The following PLCL1 variants were observed in gnomAD, a reference collection of about 807,000 sequenced individuals.
PLCL1 encodes inactive phospholipase C-like protein 1.
PLCL1 carries 41 observed loss-of-function variants against 84.4 expected under a neutral mutation model. The ratio of observed to expected loss-of-function variants is 0.49; its 90% CI spans 0.38 to 0.63. PLCL1 has a LOEUF of 0.63. Ranked by LOEUF, PLCL1 falls within the 30% of genes least tolerant of loss-of-function variation. The probability of loss-of-function intolerance (pLI) is 0.00; values close to 1 mark genes in which losing one functional copy is unlikely to be tolerated. For synonymous variants in PLCL1, 490 were observed against 488.3 expected (o/e 1.00, Z -0.05); for missense variants, 1,206 against 1,367.8 (o/e 0.88, Z 1.87).
chr2:197,841,026 CT>C (rs1337859774), intron 1 of PLCL1, among the ~76,000 whole-genome samples: 1 of 152,086 alleles, frequency 6.6e-6, no homozygotes, highest in African/African-American at 2.4e-5. Flanking sequence ...ATAAACTTTA[CT>C]TTTTAGAGAA....
intron 5 of PLCL1, among the ~76,000 whole-genome samples, chr2:198,139,848 A>G (rs531974013): frequency 2.0e-5 from 3 of 152,172 alleles, no homozygotes; most frequent in Admixed American, 6.5e-5. Flanking sequence ...CAGGGAAGAG[A>G]TGGGTGTATC....
At chr2:198,107,735 T>A (rs1574317588) in intron 5 of PLCL1, among the ~76,000 whole-genome samples, 1 of 152,064 alleles carries the variant, frequency 6.6e-6, no homozygotes, top group East Asian at 1.9e-4. Context: ...ATTGAGCAAA[T>A]GCTGTTCAAA....
intron 5 of PLCL1, among the ~76,000 whole-genome samples, chr2:198,114,855 A>T (rs929366611): frequency 2.0e-5 from 3 of 151,738 alleles, no homozygotes; most frequent in African/African-American, 7.3e-5. Context: ...ACACACATAT[A>T]TGGTATGCAC....
intron 1 of PLCL1, among the ~76,000 whole-genome samples, chr2:197,905,312 G>A (rs1688357318): frequency 6.6e-6 from 1 of 152,082 alleles, no homozygotes; most frequent in Non-Finnish European, 1.5e-5. Context: ...TGTTCTCATT[G>A]TTCAACTCAC....
intron 1 of PLCL1, among the ~76,000 whole-genome samples, chr2:197,981,987 T>C (rs1261087628): frequency 1.3e-5 from 2 of 152,036 alleles, no homozygotes; most frequent in African/African-American, 4.8e-5. Flanking sequence ...TTATTTTAAG[T>C]TAGAAAACTG....
At chr2:197,869,141 C>G (rs1476953902) in intron 1 of PLCL1, among the ~76,000 whole-genome samples, 1 of 152,070 alleles carries the variant, frequency 6.6e-6, no homozygotes, top group Non-Finnish European at 1.5e-5. Flanking sequence ...TAGAGAACAA[C>G]TTAGGCTCTG....
intron 1 of PLCL1, among the ~76,000 whole-genome samples, chr2:197,908,532 G>C (rs963715860): frequency 9.2e-5 from 14 of 152,156 alleles, no homozygotes; most frequent in Non-Finnish European, 1.9e-4. Context: ...AGCCTCAGAA[G>C]AAATTTACTC....
At chr2:197,931,130 CA>C (rs572900463) in intron 1 of PLCL1, among the ~76,000 whole-genome samples, 96 of 152,114 alleles carry the variant, frequency 6.3e-4, no homozygotes, top group African/African-American at 2.3e-3. Flanking sequence ...AAATAAGAGC[CA>C]CCTTGATTGG....
At chr2:198,106,270 A>G (rs1693471831) in intron 5 of PLCL1, among the ~76,000 whole-genome samples, 1 of 151,908 alleles carries the variant, frequency 6.6e-6, no homozygotes, top group Non-Finnish European at 1.5e-5. Flanking sequence ...TGTTTATGTG[A>G]AAGTGTTAGG....
chr2:197,932,731 A>T (rs1688965745), intron 1 of PLCL1, among the ~76,000 whole-genome samples: 1 of 152,220 alleles, frequency 6.6e-6, no homozygotes, highest in Non-Finnish European at 1.5e-5. Context: ...ACAAGACACT[A>T]TTCCAGGTAT....
chr2:198,004,536 T>C (rs1690681532), intron 1 of PLCL1, among the ~76,000 whole-genome samples: 1 of 152,204 alleles, frequency 6.6e-6, no homozygotes, highest in Non-Finnish European at 1.5e-5. Flanking sequence ...AAGTTCGTGA[T>C]GTATTTGGTT....
At chr2:198,087,078 TG>T (rs1428450248) in intron 2 of PLCL1, among the ~76,000 whole-genome samples, 1 of 152,192 alleles carries the variant, frequency 6.6e-6, no homozygotes, top group Non-Finnish European at 1.5e-5. Flanking sequence ...GCACTCAAAC[TG>T]GTTGAAAAAT....
intron 3 of PLCL1, among the ~76,000 whole-genome samples, chr2:198,090,353 TAA>T (rs1013434087): frequency 2.0e-5 from 3 of 151,608 alleles, no homozygotes; most frequent in African/African-American, 7.2e-5. Context: ...TGTTTTTATA[TAA>T]GAGTGAATTT....
intron 1 of PLCL1, among the ~76,000 whole-genome samples, chr2:197,915,903 T>C (rs1407230677): frequency 6.6e-6 from 1 of 152,212 alleles, no homozygotes; most frequent in African/African-American, 2.4e-5. Flanking sequence ...AGAATTAGTA[T>C]AAGATTTTTC....
At chr2:198,103,505 G>A (rs914949679) in intron 4 of PLCL1, among the ~76,000 whole-genome samples, 3 of 151,880 alleles carry the variant, frequency 2.0e-5, no homozygotes, top group Non-Finnish European at 4.4e-5. Flanking sequence ...TCATCTTGTT[G>A]TGTTATCAAT....
At chr2:198,013,022 G>A (rs985845888) in intron 1 of PLCL1, among the ~76,000 whole-genome samples, 8 of 151,800 alleles carry the variant, frequency 5.3e-5, no homozygotes, top group Non-Finnish European at 7.4e-5. Flanking sequence ...ATTATCTGCC[G>A]TCATATTTCA....
chr2:197,936,820 T>C (rs1403056170), intron 1 of PLCL1, among the ~76,000 whole-genome samples: 1 of 152,184 alleles, frequency 6.6e-6, no homozygotes, highest in African/African-American at 2.4e-5. Context: ...GTTTTTTGCT[T>C]GTGCTTTTAA....
At chr2:198,136,080 G>C (rs960280443) in intron 5 of PLCL1, among the ~76,000 whole-genome samples, 1 of 151,966 alleles carries the variant, frequency 6.6e-6, no homozygotes, top group African/African-American at 2.4e-5. Flanking sequence ...TTTTATTGTC[G>C]CATTTTATTC....
intron 1 of PLCL1, among the ~76,000 whole-genome samples, chr2:198,060,965 A>G (rs1692183203): frequency 6.6e-6 from 1 of 152,184 alleles, no homozygotes; most frequent in African/African-American, 2.4e-5. Flanking sequence ...TATTAACCCT[A>G]ATAAGCCAGC....
Sources: allele counts gnomAD v4.1 joint callset (sites outside exome capture counted in the v4.1 genomes callset), GRCh38; gene constraint gnomAD v4.1.1; transcripts MANE v1.5; gene names NCBI Gene and HGNC (gene_info 2026-07-23, HGNC 2026-07-21).